Variants in DMD observed in about 807,000 individuals in gnomAD.
DMD encodes the protein dystrophin.
In DMD, 63 loss-of-function variants were observed where a neutral mutation model predicts 330.1. The observed-to-expected ratio is 0.19, with a 90% CI of 0.16 to 0.24. DMD has a LOEUF of 0.24. Ranked by LOEUF, DMD falls within the 10% of genes least tolerant of loss-of-function variation. DMD has a pLI of 1.00. For missense variants in DMD, 3,344 were observed against 2,684.1 expected, an observed-to-expected ratio of 1.25 and a Z score of -5.43; for synonymous variants, 1,223 against 959.8, an observed-to-expected ratio of 1.27 and a Z score of -5.07.
At chrX:31,499,932 C>G (rs897906375) in intron 56 of DMD, among the ~76,000 whole-genome samples, 7 of 112,182 alleles carry the variant, frequency 6.2e-5, no homozygotes. Context: ...ACGAAAAGCT[C>G]TCACATATCT....
At chrX:33,032,352 T>C (rs781310859) in intron 1 of DMD, among the ~76,000 whole-genome samples, 1 of 112,237 alleles carries the variant, frequency 8.9e-6, no homozygotes, top group African/African-American at 3.2e-5. Context: ...GAAATAAATG[T>C]TTGTTCTTAT....
intron 74 of DMD, among the ~76,000 whole-genome samples, chrX:31,162,356 T>TAA (rs57908991): frequency 2.0e-5 from 1 of 50,608 alleles, no homozygotes; most frequent in African/African-American, 6.6e-5. Context: ...ATGAAAAATC[T>TAA]AAAAAAAAAA....
intron 16 of DMD, among the ~76,000 whole-genome samples, chrX:32,556,573 A>G (rs2050327788): frequency 3.6e-5 from 4 of 112,124 alleles, no homozygotes; most frequent in African/African-American, 1.3e-4. Context: ...CTCATCAATG[A>G]TAGACAAGAT....
Position 31,307,880 on chromosome X carries a change from T to C in DMD, c.9224+15718A>G, listed in dbSNP as rs750452244. On this transcript the variant is annotated intron_variant, in intron 62 of 78. Coordinates refer to ENST00000357033, the MANE Select transcript of DMD (RefSeq NM_004006.3). ...ATTAAGACAGTGGTCCCCAGCCTTT[T>C]TGGCACCAGGCATGAGTTTTCTGGA... Among the ~76,000 whole-genome samples, 14 of 111,740 alleles carry C rather than the reference T, an allele frequency of 1.3e-4. No individual in the cohort carries two copies. The South Asian group carries it at 4.6e-3, about 37-fold the overall frequency.
chrX:32,316,358 C>A (rs2097582380), intron 41 of DMD, among the ~76,000 whole-genome samples: 2 of 111,565 alleles, frequency 1.8e-5, no homozygotes, highest in South Asian at 7.3e-4. Context: ...ATTAGAATAC[C>A]TGTAATTTCT....
intron 7 of DMD, among the ~76,000 whole-genome samples, chrX:32,778,841 C>CTAAT (rs1359702925): frequency 1.8e-5 from 2 of 109,522 alleles, no homozygotes; most frequent in Non-Finnish European, 3.8e-5. Context: ...TTAAGATCAG[C>CTAAT]TAATTAACAA....
rs193007261 is a variant in DMD, at chrX:32,775,653, T to C, written c.649+33840A>G. ...GACACAGGAAGCCAGGTCCCAAGGC[T>C]GCACAGAGCAGTGGGGCCTTGGGCC... is the stretch of plus-strand genomic sequence containing the variant. On this transcript the variant is annotated intron_variant, in intron 7 of 78. Transcript: ENST00000357033. Among the ~76,000 whole-genome samples the C allele has an allele frequency of 1.2e-3, 140 of 113,171 alleles. 2 individuals carry two copies. The highest frequency in any genetic ancestry group is 0.011 in the Admixed American group (118 of 10,835).
chrX:31,952,183 T>G (rs1316449046), intron 45 of DMD, among the ~76,000 whole-genome samples: 2 of 111,642 alleles, frequency 1.8e-5, no homozygotes, highest in African/African-American at 6.5e-5. Context: ...TTGACTCTTA[T>G]GTTTTAGGGT....
At chrX:32,239,149 A>G (rs1486046699) in intron 43 of DMD, among the ~76,000 whole-genome samples, 2 of 111,335 alleles carry the variant, frequency 1.8e-5, no homozygotes, top group African/African-American at 6.5e-5. Context: ...CTTATTTGTG[A>G]CAACGAAAAA....
intron 44 of DMD, among the ~76,000 whole-genome samples, chrX:32,062,435 A>C (rs145865088): frequency 0.013 from 1,462 of 110,831 alleles, 21 homozygotes; most frequent in African/African-American, 0.045. Context: ...TTTTAAAAGG[A>C]AAGTTTATAT....
At chrX:31,330,082 T>C (rs2057029824) in intron 61 of DMD, among the ~76,000 whole-genome samples, 2 of 103,943 alleles carry the variant, frequency 1.9e-5, no homozygotes, top group South Asian at 8.8e-4. Context: ...AGGTAATGAA[T>C]ATGTTCGTTA....
intron 59 of DMD, among the ~76,000 whole-genome samples, chrX:31,450,325 C>A (rs1004109432): frequency 5.4e-5 from 6 of 112,128 alleles, no homozygotes; most frequent in African/African-American, 1.9e-4. Flanking sequence ...CTATGTTTTG[C>A]AGCTCCTGCA....
chrX:33,038,485 T>C (rs1446773577), intron 1 of DMD, among the ~76,000 whole-genome samples: 2 of 111,905 alleles, frequency 1.8e-5, no homozygotes, highest in African/African-American at 3.2e-5. Flanking sequence ...TGTTAGTTGT[T>C]TGCCCCGGAG....
rs746272993 is a variant in DMD at position 31,667,093 on chromosome X, AC to A, written c.7873-8950del. Among the ~76,000 whole-genome samples the A allele has an allele frequency of 5.8e-4, 65 of 111,548 alleles. No individual in the cohort carries two copies. The East Asian group carries it at 0.017, about 30-fold the overall frequency. Reference sequence around the variant, plus strand: ...GAACATTTTATTTGCCCCCAATGAAACCCATACCAATTAACAGTCCCTTTCT... The same window carrying A: ...GAACATTTTATTTGCCCCCAATGAAACCATACCAATTAACAGTCCCTTTCT... On this transcript the variant is annotated intron_variant, in intron 53 of 78. Transcript: ENST00000357033.
chrX:33,267,048 A>G (rs987371756), intron 1 of DMD, among the ~76,000 whole-genome samples: 10 of 111,466 alleles, frequency 9.0e-5, no homozygotes, highest in African/African-American at 2.9e-4. Flanking sequence ...AAAAGAAGTC[A>G]AACTATCTTT....
chrX:32,133,834 A>C (rs902823744), intron 44 of DMD, among the ~76,000 whole-genome samples: 13 of 111,516 alleles, frequency 1.2e-4, no homozygotes, highest in African/African-American at 3.6e-4. Context: ...AATGGCTTCA[A>C]AGGTCCACCC....
intron 59 of DMD, among the ~76,000 whole-genome samples, chrX:31,454,422 G>A (rs770225935): frequency 2.7e-5 from 3 of 112,249 alleles, no homozygotes; most frequent in South Asian, 7.4e-4. Flanking sequence ...GATTACAGGC[G>A]TGAGCCACTG....
rs2093632781 is a variant in DMD at position 31,857,399 on chromosome X, A to G, written c.7098+17789T>C. ...ACCTCGGAAAAAAAAAAAAAAAAAAAAAAAAAAAAAGAGAATACCAATCTC... is the reference window on the plus strand; with the variant it reads ...ACCTCGGAAAAAAAAAAAAAAAAAAGAAAAAAAAAAGAGAATACCAATCTC... On this transcript the variant is annotated intron_variant, in intron 48 of 78. Transcript: ENST00000357033. Among the ~76,000 whole-genome samples, 2 of 106,202 alleles carry G rather than the reference A, an allele frequency of 1.9e-5. 1 individual carries two copies. 92.2% of individuals were successfully genotyped at this position (106,202 alleles called of 115,157 possible). A position where few individuals can be genotyped will look rare whatever the true frequency, so the allele number is the denominator to read the frequency against.
At chrX:32,317,186 CATTTT>C (rs1488702362) in intron 41 of DMD, among the ~76,000 whole-genome samples, 1 of 111,258 alleles carries the variant, frequency 9.0e-6, no homozygotes, top group African/African-American at 3.3e-5. Flanking sequence ...CTGATTAATT[CATTTT>C]ATTTCTTTGT....
Sources: gnomAD v4.1 joint callset for allele counts (sites outside exome capture counted in the v4.1 genomes callset) on GRCh38, gnomAD v4.1.1 for gene constraint, MANE v1.5 for transcripts, NCBI Gene and HGNC (gene_info 2026-07-23, HGNC 2026-07-21) for gene names.